CARNMT1: variants seen among roughly 807,000 people sequenced by gnomAD.
CARNMT1 encodes carnosine N-methyltransferase 1.
Under a neutral mutation model 49.6 loss-of-function variants are expected in CARNMT1, and 28 were observed. The ratio of observed to expected loss-of-function variants is 0.56; its 90% confidence interval spans 0.42 to 0.77. The LOEUF (loss-of-function observed/expected upper bound fraction) is 0.77, where lower values mean the gene tolerates loss of function less well. Among genes scored for constraint, CARNMT1 ranks in the 30% least tolerant of loss-of-function variants. The pLI is 0.00. For missense variants in CARNMT1, 421 were observed against 512.6 expected, an observed-to-expected ratio of 0.82 and a Z score of 1.73; for synonymous variants, 178 against 175.0, an observed-to-expected ratio of 1.02 and a Z score of -0.13.
intron 3 of CARNMT1, among the ~76,000 whole-genome samples, chr9:75,005,589 C>T (rs956622422): frequency 5.3e-5 from 8 of 151,506 alleles, no homozygotes; most frequent in African/African-American, 1.9e-4. Context: ...TCTCCTGCCT[C>T]AGCCTCCTGA....
chr9:74,991,921 T>C (rs1322938352), intron 6 of CARNMT1, among the ~76,000 whole-genome samples: 2 of 152,156 alleles, frequency 1.3e-5, no homozygotes, highest in Non-Finnish European at 2.9e-5. Flanking sequence ...ACTACTACTA[T>C]AATGAGGAAA....
At chr9:75,016,517 A>C in intron 2 of CARNMT1, 86 bp from the exon 3 acceptor site, 1 of 1,311,418 alleles carries the variant, frequency 7.6e-7, no homozygotes, top group Non-Finnish European at 1.1e-6. Flanking sequence ...AAGGGGCTAT[A>C]TAGGTGGTTT....
chr9:75,016,434 GT>G lies in CARNMT1; in HGVS notation c.427-4del. On this transcript the variant is annotated splice_polypyrimidine_tract_variant and splice_region_variant and intron_variant, in intron 2 of 7. Coordinates refer to ENST00000376834, the MANE Select transcript of CARNMT1 (RefSeq NM_152420.3). ...GCTGGCATAATCTTTCCATTCCCCT[GT>G]TTAAAAAACAGACATCAATTAGCTT... The G allele has an allele frequency of 6.2e-7, 1 of 1,611,320 alleles. No individual in the cohort carries two copies. Among genetic ancestry groups the G allele is most frequent in the Non-Finnish European group, 8.5e-7 (1 of 1,179,222 alleles).
Position 74,981,975 on chromosome 9 carries a change from A to C in CARNMT1, c.*1792T>G, listed in dbSNP as rs946783055. 30 of 151,762 alleles carry C rather than the reference A, an allele frequency of 2.0e-4. No individual in the cohort carries two copies. The highest frequency in any genetic ancestry group is 7.4e-5 in the Non-Finnish European group (5 of 67,910). 9.4% of individuals were successfully genotyped at this position (151,762 alleles called of 1,614,324 possible). A position where few individuals can be genotyped will look rare whatever the true frequency, so the allele number is the denominator to read the frequency against. Reference sequence around the variant, plus strand: ...CATGTAAGTAATAAGAATTTCCACCAAATGAACATCTGCTAAGTATTGAGG... The same window carrying C: ...CATGTAAGTAATAAGAATTTCCACCCAATGAACATCTGCTAAGTATTGAGG... On this transcript the variant is annotated 3_prime_UTR_variant, in exon 8 of 8. Transcript: ENST00000376834.
intron 6 of CARNMT1, among the ~76,000 whole-genome samples, chr9:74,990,882 G>T (rs149631946): frequency 2.1e-4 from 32 of 152,040 alleles, no homozygotes; most frequent in African/African-American, 7.2e-4. Flanking sequence ...AAAAGTTCTG[G>T]TTAAGAGAGA....
chr9:75,016,626 G>C (rs915592021), intron 2 of CARNMT1, 195 bp from the exon 3 acceptor site: 4 of 541,954 alleles, frequency 7.4e-6, no homozygotes, highest in Non-Finnish European at 1.3e-5. Context: ...ACCCTCAAAA[G>C]ATTAAGGTCC....
intron 1 of CARNMT1, among the ~76,000 whole-genome samples, chr9:75,025,409 T>C (rs1200085163): frequency 6.6e-6 from 1 of 152,242 alleles, no homozygotes; most frequent in African/African-American, 2.4e-5. Context: ...CTACTACAGA[T>C]AATTTTATGC....
rs1833761848 is a variant in CARNMT1 at position 75,013,571 on chromosome 9, GGA to G, written c.590+2695_590+2696del. ...CAAATAACAGAGTAATCTTCAGCTGGGAAAAAAAAAAATGACTGAAGATCTCT... is the reference window on the plus strand; with the variant it reads ...CAAATAACAGAGTAATCTTCAGCTGGAAAAAAAAAATGACTGAAGATCTCT... On this transcript the variant is annotated intron_variant, in intron 3 of 7. Transcript: ENST00000376834. 9.4e-5 allele frequency among the ~76,000 whole-genome samples: 14 copies of G among 148,366 alleles called. No individual in the cohort carries two copies. The South Asian group carries it at 3.1e-3, about 33-fold the overall frequency.
chr9:75,005,584 T>C (rs1295078206), intron 3 of CARNMT1, among the ~76,000 whole-genome samples: 1 of 151,416 alleles, frequency 6.6e-6, no homozygotes, highest in Non-Finnish European at 1.5e-5. Context: ...ACCATTCTCC[T>C]GCCTCAGCCT....
At chr9:75,015,938 A>T (rs1246199523) in intron 3 of CARNMT1, 1 of 184,474 alleles carries the variant, frequency 5.4e-6, no homozygotes, top group African/African-American at 2.4e-5. Flanking sequence ...ACTTGTTTAC[A>T]ACTATGTCAT....
chr9:74,989,317 G>A (rs1242778465), intron 6 of CARNMT1, among the ~76,000 whole-genome samples: 2 of 151,962 alleles, frequency 1.3e-5, no homozygotes, highest in East Asian at 1.9e-4. Flanking sequence ...GTCTTGCTGT[G>A]TTGCCCAGGC....
Position 75,007,776 on chromosome 9 carries a change from C to T in CARNMT1, c.591-7906G>A, listed in dbSNP as rs373793993. Among the ~76,000 whole-genome samples, 131 of 141,594 alleles carry T rather than the reference C, an allele frequency of 9.3e-4. 3 individuals are homozygous for T. In the South Asian group the frequency reaches 0.028, roughly 31 times the overall value. The allele number at this position is 141,594 out of a possible 152,430, so 92.9% of individuals were successfully genotyped here. A position where few individuals can be genotyped will look rare whatever the true frequency, so the allele number is the denominator to read the frequency against. On this transcript the variant is annotated intron_variant, in intron 3 of 7. Coordinates refer to ENST00000376834, the MANE Select transcript of CARNMT1 (RefSeq NM_152420.3). ...AAAAAAAACTAAGAAAATTCTTCAACACGATAAAGGGTATTTACGAAAGTC... is the reference window on the plus strand; with the variant it reads ...AAAAAAAACTAAGAAAATTCTTCAATACGATAAAGGGTATTTACGAAAGTC...
chr9:75,027,340 A>G, intron 1 of CARNMT1: 1 of 868,376 alleles, frequency 1.2e-6, no homozygotes, highest in Non-Finnish European at 1.4e-6. Flanking sequence ...AGAAAAAAAG[A>G]ACGTAAAGGC....
intron 1 of CARNMT1, among the ~76,000 whole-genome samples, chr9:75,024,566 T>C (rs1191474437): frequency 2.0e-5 from 3 of 152,246 alleles, no homozygotes; most frequent in Admixed American, 6.5e-5. Flanking sequence ...ATTTTTGCTA[T>C]TCAATACAAA....
At chr9:74,996,344 A>T in intron 6 of CARNMT1, 103 bp downstream of exon 6, 1 of 642,886 alleles carries the variant, frequency 1.6e-6, no homozygotes, top group Non-Finnish European at 2.7e-6. Context: ...TTTACAACAT[A>T]ATTCTAATGT....
At chr9:75,013,966 G>A (rs1332351277) in intron 3 of CARNMT1, among the ~76,000 whole-genome samples, 1 of 124,764 alleles carries the variant, frequency 8.0e-6, no homozygotes, top group East Asian at 2.7e-4. Flanking sequence ...GCAACACTTT[G>A]TGTCAAAAAA....
chr9:75,027,662 T>C (rs1822569284), intron 1 of CARNMT1, among the ~76,000 whole-genome samples: 3 of 152,332 alleles, frequency 2.0e-5, no homozygotes, highest in East Asian at 1.9e-4. Flanking sequence ...CAGTGGACGA[T>C]TGTACCACCA....
rs76737636 is a variant in CARNMT1, at chr9:75,006,639, G to A, written c.591-6769C>T. On this transcript the variant is annotated intron_variant, in intron 3 of 7. Transcript: ENST00000376834. ...CAATTACTTTCAGGAAAGGAAACTG[G>A]GTAACTGAGGAACAGTTATGAGGAA... is the stretch of plus-strand genomic sequence containing the variant. Among the ~76,000 whole-genome samples the A allele has an allele frequency of 2.4e-3, 364 of 152,196 alleles. 2 individuals carry two copies. Among genetic ancestry groups the A allele is most frequent in the African/African-American group, 8.1e-3 (336 of 41,536 alleles).
intron 6 of CARNMT1, among the ~76,000 whole-genome samples, chr9:74,987,743 AT>A (rs1347854942): frequency 2.0e-5 from 3 of 152,160 alleles, no homozygotes; most frequent in African/African-American, 7.2e-5. Context: ...CAAACTGTAC[AT>A]TTGTAAAAAG....
Sources: allele counts gnomAD v4.1 joint callset (sites outside exome capture counted in the v4.1 genomes callset), GRCh38; gene constraint gnomAD v4.1.1; transcripts MANE v1.5; gene names NCBI Gene and HGNC (gene_info 2026-07-23, HGNC 2026-07-21).